Variants in VPS35L observed in about 807,000 individuals in gnomAD.
VPS35L encodes the protein VPS35 endosomal protein sorting factor like, also known as VPS35 endosomal protein-sorting factor-like.
A neutral mutation model predicts 133.0 loss-of-function variants in VPS35L; 83 were observed. The observed-to-expected ratio is 0.62, with a 90% CI of 0.52 to 0.75. The LOEUF (loss-of-function observed/expected upper bound fraction) is 0.75, where lower values mean the gene tolerates loss of function less well. VPS35L is among the 30% of genes least tolerant of loss of function. The probability of loss-of-function intolerance (pLI) is 0.00; values close to 1 mark genes in which losing one functional copy is unlikely to be tolerated. For missense variants in VPS35L, 1,083 were observed against 1,206.8 expected, an observed-to-expected ratio of 0.90 and a Z score of 1.52; for synonymous variants, 423 against 449.9, an observed-to-expected ratio of 0.94 and a Z score of 0.76.
At position 19,691,421 on chromosome 16, in the gene VPS35L, A is replaced by G. The variant is rs1477642398; in HGVS notation, c.2596A>G (p.Thr866Ala). Residue 866 changes from threonine (T) to alanine (A), a missense_variant, in exon 29 of 31, where the codon ACG becomes GCG. Coordinates refer to ENST00000417362, the MANE Select transcript of VPS35L (RefSeq NM_020314.7). Reference protein sequence around the residue: ...FLAENNKLCETVMAQILEHLK... With the variant: ...FLAENNKLCEAVMAQILEHLK... The stretch of plus-strand genomic sequence containing the variant: ...GGCAGAAAACAACAAGCTGTGTGAG[A>G]CGGTGATGGCTCAGATCCTAGAGCA... The G allele has an allele frequency of 2.5e-6, 4 of 1,613,920 alleles. No individual in the cohort carries two copies. The highest frequency in any genetic ancestry group is 1.1e-5 in the South Asian group (1 of 91,082).
At chr16:19,616,604 G>A in intron 13 of VPS35L, 82 bp from the exon 14 acceptor site, 2 of 1,528,580 alleles carry the variant, frequency 1.3e-6, no homozygotes, top group Non-Finnish European at 1.8e-6. Flanking sequence ...TTACAAGTAT[G>A]CACAGTCTGT....
chr16:19,558,458 G>C (rs973347310), intron 1 of VPS35L, among the ~76,000 whole-genome samples: 1 of 152,158 alleles, frequency 6.6e-6, no homozygotes, highest in Admixed American at 6.5e-5. Context: ...TCTGGCTTGC[G>C]GGGTTCCCCA....
intron 29 of VPS35L, among the ~76,000 whole-genome samples, chr16:19,693,288 G>C (rs963935364): frequency 4.0e-5 from 6 of 150,536 alleles, no homozygotes; most frequent in African/African-American, 1.2e-4. Flanking sequence ...TGTGTGTTGC[G>C]GGGGGGCAGG....
In VPS35L at chr16:19,572,995, G is replaced by A. The variant is rs528338098; in HGVS notation, c.286-124G>A. The A allele has an allele frequency of 1.8e-5, 21 of 1,164,568 alleles. No individual in the cohort carries two copies. In the South Asian group the frequency reaches 3.8e-4, roughly 21 times the overall value. 72.1% of individuals were successfully genotyped at this position (1,164,568 alleles called of 1,614,324 possible). ...TGGCGCTGTAATTTTTTTTATGATA[G>A]TAAACCTTGAGACAAATCTCTTTTA... On this transcript the variant is annotated intron_variant, in intron 3 of 30. Transcript: ENST00000417362.
At chr16:19,661,945 ACT>A (rs1457474395) in intron 26 of VPS35L, among the ~76,000 whole-genome samples, 2 of 152,144 alleles carry the variant, frequency 1.3e-5, no homozygotes, top group Non-Finnish European at 2.9e-5. Context: ...TTTACAGCAA[ACT>A]TGTATTGCCT....
rs1419567882 is a variant in VPS35L, at chr16:19,666,918, T to TCC, written c.2222-2242_2222-2241insCC. 5.0e-3 allele frequency among the ~76,000 whole-genome samples: 536 copies of TCC among 106,394 alleles called. 3 individuals carry two copies. Among genetic ancestry groups the TCC allele is most frequent in the African/African-American group, 0.02 (483 of 23,808 alleles). The allele number at this position is 106,394 out of a possible 152,430, so 69.8% of individuals were successfully genotyped here. On this transcript the variant is annotated intron_variant, in intron 26 of 30. Coordinates refer to ENST00000417362, the MANE Select transcript of VPS35L (RefSeq NM_020314.7). Reference sequence around the variant, plus strand: ...TTTCTTTCTTTCTTTCTTTCTTTCTTTCTTTCTTTCTTTCTTCCTTTCTTC... The same window carrying TCC: ...TTTCTTTCTTTCTTTCTTTCTTTCTTCCTCTTTCTTTCTTTCTTCCTTTCTTC...
intron 5 of VPS35L, chr16:19,578,495 C>T: frequency 2.5e-5 from 9 of 359,396 alleles, no homozygotes; most frequent in South Asian, 1.5e-4. Flanking sequence ...GGCCTGTGGC[C>T]TGGGGGCCCT....
rs113747490 is a variant in VPS35L at position 19,633,409 on chromosome 16, G to A, written c.1635+237G>A. On this transcript the variant is annotated intron_variant, in intron 19 of 30. Coordinates refer to ENST00000417362, the MANE Select transcript of VPS35L (RefSeq NM_020314.7). The surrounding 1 kb of genome is among the most constrained non-coding windows in gnomAD (Gnocchi z 4.1). Reference sequence around the variant, plus strand: ...ACCTGAGAGTTACTGTGAGGATGAAGTGAAGCCCTCACACAGTGGCCTGGC... The same window carrying A: ...ACCTGAGAGTTACTGTGAGGATGAAATGAAGCCCTCACACAGTGGCCTGGC... 0.016 allele frequency among the ~76,000 whole-genome samples: 2,485 copies of A among 152,340 alleles called. 64 individuals carry two copies. Among genetic ancestry groups the A allele is most frequent in the African/African-American group, 0.056 (2,318 of 41,582 alleles).
intron 27 of VPS35L, among the ~76,000 whole-genome samples, chr16:19,673,986 A>G (rs1377281208): frequency 1.3e-5 from 2 of 152,044 alleles, no homozygotes; most frequent in Non-Finnish European, 2.9e-5. Context: ...GCAACCCTGT[A>G]TCCCTCCTTG....
At chr16:19,656,962 G>GTTTTTTT (rs1180404849) in intron 26 of VPS35L, among the ~76,000 whole-genome samples, 1 of 109,560 alleles carries the variant, frequency 9.1e-6, no homozygotes, top group Non-Finnish European at 1.8e-5. Context: ...AAAAGAACTT[G>GTTTTTTT]TTTTTTTTTT....
intron 12 of VPS35L, among the ~76,000 whole-genome samples, chr16:19,613,598 C>T (rs1305271246): frequency 6.6e-6 from 1 of 152,116 alleles, no homozygotes; most frequent in African/African-American, 2.4e-5. Flanking sequence ...ACCTTAGGAA[C>T]CTTATTGGAA....
chr16:19,679,338 C>G (rs1259747492), intron 27 of VPS35L, among the ~76,000 whole-genome samples: 1 of 151,164 alleles, frequency 6.6e-6, no homozygotes, highest in Non-Finnish European at 1.5e-5. Context: ...ACTCTGTCAC[C>G]CAGGCTGGAG....
chr16:19,561,491 T>G lies in VPS35L; in HGVS notation c.18-3360T>G, dbSNP rs562648253. On this transcript the variant is annotated intron_variant, in intron 1 of 30. Coordinates refer to ENST00000417362, the MANE Select transcript of VPS35L (RefSeq NM_020314.7). ...GATAGAAATGAAATGACATGGGAGC[T>G]CAATTCGTTTGTGCTGGCTTGGGTT... 2.0e-5 allele frequency among the ~76,000 whole-genome samples: 3 copies of G among 152,330 alleles called. No homozygotes were observed. In the South Asian group the frequency reaches 6.2e-4, roughly 32 times the overall value.
At chr16:19,646,563 G>A (rs1356453759) in intron 23 of VPS35L, among the ~76,000 whole-genome samples, 1 of 152,072 alleles carries the variant, frequency 6.6e-6, no homozygotes, top group African/African-American at 2.4e-5. Context: ...TACTCGGGAG[G>A]CTGAGGCAGG....
chr16:19,581,927 T>C (rs950558126), intron 7 of VPS35L: 1 of 440,424 alleles, frequency 2.3e-6, no homozygotes, highest in Non-Finnish European at 4.1e-6. Flanking sequence ...TGATACCCCA[T>C]GTGTTGTGCA....
chr16:19,632,124 G>A lies in VPS35L; in HGVS notation c.1555-968G>A, dbSNP rs551426243. On this transcript the variant is annotated intron_variant, in intron 18 of 30. Transcript: ENST00000417362. Reference sequence around the variant, plus strand: ...CTACAGGTGTGTGTGACCACACCCCGCTAATTTTATGTATTTTTAGTAGAG... The same window carrying A: ...CTACAGGTGTGTGTGACCACACCCCACTAATTTTATGTATTTTTAGTAGAG... Among the ~76,000 whole-genome samples the A allele has an allele frequency of 6.6e-5, 10 of 151,888 alleles. No homozygotes were observed. The South Asian group carries it at 8.3e-4, about 13-fold the overall frequency.
intron 7 of VPS35L, among the ~76,000 whole-genome samples, chr16:19,589,541 A>G (rs1971975748): frequency 6.6e-6 from 1 of 152,162 alleles, no homozygotes; most frequent in South Asian, 2.1e-4. Flanking sequence ...CACCATGCCC[A>G]GCTGGGATTT....
At chr16:19,671,823 G>A (rs945509693) in intron 27 of VPS35L, among the ~76,000 whole-genome samples, 3 of 152,124 alleles carry the variant, frequency 2.0e-5, no homozygotes, top group Non-Finnish European at 4.4e-5. Flanking sequence ...GCTTCACCTG[G>A]CTGCCGCAGG....
At chr16:19,578,339 A>G (rs754923799) in intron 5 of VPS35L, 3 of 429,874 alleles carry the variant, frequency 7.0e-6, no homozygotes, top group South Asian at 4.8e-5. Context: ...GCGCCACCGC[A>G]CTCCAGCGTG....
Sources: gnomAD v4.1 joint callset for allele counts (sites outside exome capture counted in the v4.1 genomes callset) on GRCh38, gnomAD v4.1.1 for gene constraint, Gnocchi (gnomAD v3.1) non-coding constraint, MANE v1.5 for transcripts, NCBI Gene and HGNC (gene_info 2026-07-23, HGNC 2026-07-21) for gene names.